SINHCAF: variants seen among roughly 807,000 people sequenced by gnomAD.
SINHCAF encodes SIN3-HDAC complex associated factor, also known as SIN3-HDAC complex-associated factor.
SINHCAF carries 3 observed loss-of-function variants against 25.8 expected under a neutral mutation model. That is an observed-to-expected ratio of 0.12 (90% CI 0.05 to 0.30). SINHCAF has a LOEUF of 0.30. Among genes scored for constraint, SINHCAF ranks in the 10% least tolerant of loss-of-function variants. SINHCAF has a pLI of 1.00. For synonymous variants in SINHCAF, 70 were observed against 85.5 expected (o/e 0.82, Z 1.00); for missense variants, 121 against 262.3 (o/e 0.46, Z 3.72).
At chr12:31,289,691 G>T (rs1008575172) in intron 4 of SINHCAF, among the ~76,000 whole-genome samples, 2 of 151,974 alleles carry the variant, frequency 1.3e-5, no homozygotes, top group African/African-American at 4.8e-5. Context: ...CACGTTGACA[G>T]AGCAATCCTT....
intron 5 of SINHCAF, 53 bp from the exon 6 acceptor site, chr12:31,282,924 T>C (rs1000272261): frequency 8.6e-6 from 12 of 1,389,114 alleles, no homozygotes; most frequent in Non-Finnish European, 1.1e-5. Context: ...AAAATAGGAA[T>C]ACAAAAGAAA....
chr12:31,317,615 T>A (rs1939543099), intron 1 of SINHCAF, among the ~76,000 whole-genome samples: 1 of 145,908 alleles, frequency 6.9e-6, no homozygotes. Flanking sequence ...ACCTCCTGCT[T>A]TTTTTTTTTT....
At chr12:31,316,083 T>C (rs1939484960) in intron 1 of SINHCAF, among the ~76,000 whole-genome samples, 2 of 152,020 alleles carry the variant, frequency 1.3e-5, no homozygotes, top group Non-Finnish European at 1.5e-5. Context: ...GGCAGCAGAA[T>C]TGCTTGAACC....
chr12:31,287,274 A>C (rs924863990), intron 5 of SINHCAF, among the ~76,000 whole-genome samples: 2 of 151,972 alleles, frequency 1.3e-5, no homozygotes, highest in Non-Finnish European at 2.9e-5. Flanking sequence ...CTCTTTCCTA[A>C]AATTGCTTAT....
rs1266093588 is a variant in SINHCAF at position 31,325,973 on chromosome 12, C to CAA, written c.-21+49_-21+50dup. 4.6e-5 allele frequency: 7 copies of CAA among 151,914 alleles called. No homozygotes were observed. Among genetic ancestry groups the CAA allele is most frequent in the Non-Finnish European group, 7.4e-5 (5 of 67,982 alleles). The allele number at this position is 151,914 out of a possible 1,614,324, so 9.4% of individuals were successfully genotyped here. A position where few individuals can be genotyped will look rare whatever the true frequency, so the allele number is the denominator to read the frequency against. On this transcript the variant is annotated intron_variant, in intron 1 of 5. Transcript: ENST00000337682. The surrounding 1 kb of genome is among the most constrained non-coding windows in gnomAD (Gnocchi z 5.9). ...AAGAGAAAAAAAAAAACACTGAAAT[C>CAA]AAAGCCTCGTGAGACAGTTTTGCAC...
rs1248890068 is a variant in SINHCAF, at chr12:31,324,835, G to C, written c.-21+1189C>G. On this transcript the variant is annotated intron_variant, in intron 1 of 5. Coordinates refer to ENST00000337682, the MANE Select transcript of SINHCAF (RefSeq NM_001135812.2). The surrounding 1 kb of genome is among the most constrained non-coding windows in gnomAD (Gnocchi z 5.5). The stretch of plus-strand genomic sequence containing the variant: ...AGGCCCATTTAATCAAAGTTTTGCA[G>C]TGTCCTTGATGAGAAACGCCCGGAG... 4 of 387,586 alleles carry C rather than the reference G, an allele frequency of 1.0e-5. No individual in the cohort carries two copies. Among genetic ancestry groups the C allele is most frequent in the African/African-American group, 6.3e-5 (3 of 47,844 alleles). The allele number at this position is 387,586 out of a possible 1,614,324, so 24.0% of individuals were successfully genotyped here.
chr12:31,316,062 C>A (rs1256318265), intron 1 of SINHCAF, among the ~76,000 whole-genome samples: 3 of 152,002 alleles, frequency 2.0e-5, no homozygotes, highest in African/African-American at 7.2e-5. Context: ...CTCAGCTACT[C>A]AGGAGGCTGA....
chr12:31,300,142 G>T (rs930336219), intron 1 of SINHCAF, among the ~76,000 whole-genome samples: 6 of 152,194 alleles, frequency 3.9e-5, no homozygotes, highest in Admixed American at 3.3e-4. Flanking sequence ...TAATGAAAAT[G>T]ATTCAGAACC....
At chr12:31,299,105 G>A (rs1283998374) in intron 1 of SINHCAF, among the ~76,000 whole-genome samples, 3 of 151,866 alleles carry the variant, frequency 2.0e-5, no homozygotes, top group African/African-American at 4.8e-5. Context: ...ATGCAAATAT[G>A]TAGCTGGCAG....
intron 4 of SINHCAF, among the ~76,000 whole-genome samples, chr12:31,288,494 T>C (rs1412707705): frequency 6.6e-6 from 1 of 152,124 alleles, no homozygotes; most frequent in Non-Finnish European, 1.5e-5. Context: ...TATGGCCCAC[T>C]AAGTACAAGG....
At chr12:31,284,916 C>G (rs1457402445) in intron 5 of SINHCAF, among the ~76,000 whole-genome samples, 1 of 152,130 alleles carries the variant, frequency 6.6e-6, no homozygotes, top group African/African-American at 2.4e-5. Context: ...TCTGAAGATG[C>G]CTATTTTGGG....
chr12:31,289,921 C>T (rs1442998959), intron 4 of SINHCAF, among the ~76,000 whole-genome samples: 1 of 150,950 alleles, frequency 6.6e-6, no homozygotes, highest in Non-Finnish European at 1.5e-5. Flanking sequence ...ACCTCCTGAG[C>T]TCAAGCAATC....
chr12:31,306,137 G>A (rs1431914977), intron 1 of SINHCAF, among the ~76,000 whole-genome samples: 1 of 152,162 alleles, frequency 6.6e-6, no homozygotes, highest in East Asian at 1.9e-4. Flanking sequence ...AGCAGGATGG[G>A]CAATTGCATT....
In SINHCAF at chr12:31,324,006, G is replaced by A. The variant is rs780262795; in HGVS notation, c.-21+2018C>T. On this transcript the variant is annotated intron_variant, in intron 1 of 5. Coordinates refer to ENST00000337682, the MANE Select transcript of SINHCAF (RefSeq NM_001135812.2). This position sits in a 1 kb window ranked among gnomAD's most constrained non-coding sequence, Gnocchi z 5.5. ...GACTGCCGAGAGAGACGCCGAGCCA[G>A]CAAGTAAGAATGCTCCCTGGTGGAT... 6.6e-5 allele frequency: 30 copies of A among 455,606 alleles called. 2 individuals are homozygous for A. The highest frequency in any genetic ancestry group is 6.4e-4 in the East Asian group (9 of 14,142). The allele number at this position is 455,606 out of a possible 1,614,324, so 28.2% of individuals were successfully genotyped here. A position where few individuals can be genotyped will look rare whatever the true frequency, so the allele number is the denominator to read the frequency against.
chr12:31,290,420 G>C (rs1938262950), intron 4 of SINHCAF, among the ~76,000 whole-genome samples: 1 of 151,774 alleles, frequency 6.6e-6, no homozygotes. Context: ...ACCCAGTCAA[G>C]AAAACGTTTT....
intron 1 of SINHCAF, among the ~76,000 whole-genome samples, chr12:31,310,870 CT>C (rs901142862): frequency 0.015 from 2,154 of 139,718 alleles, 22 homozygotes; most frequent in African/African-American, 0.035. Flanking sequence ...AATCTACGAT[CT>C]TTTTTTTTTT....
Position 31,311,026 on chromosome 12 carries a change from C to T in SINHCAF, c.-20-12802G>A, listed in dbSNP as rs921218792. ...CTAAGATTACAGGTGTGTGCCACCA[C>T]GACTGGCTGATTTTTGTATTTTTAG... On this transcript the variant is annotated intron_variant, in intron 1 of 5. Transcript: ENST00000337682. 6.6e-5 allele frequency among the ~76,000 whole-genome samples: 10 copies of T among 152,008 alleles called. 1 individual carries two copies. Among genetic ancestry groups the T allele is most frequent in the African/African-American group, 1.9e-4 (8 of 41,356 alleles).
chr12:31,314,554 GA>G (rs1283535760), intron 1 of SINHCAF, among the ~76,000 whole-genome samples: 3 of 151,782 alleles, frequency 2.0e-5, no homozygotes, highest in Non-Finnish European at 4.4e-5. Flanking sequence ...AAGATAGAGT[GA>G]AGGTGTAGGT....
At chr12:31,306,868 T>G (rs1045236734) in intron 1 of SINHCAF, among the ~76,000 whole-genome samples, 3 of 152,206 alleles carry the variant, frequency 2.0e-5, no homozygotes, top group Non-Finnish European at 4.4e-5. Flanking sequence ...TTAACAAGTT[T>G]GAGTCAGGGC....
Sources: allele counts gnomAD v4.1 joint callset (sites outside exome capture counted in the v4.1 genomes callset), GRCh38; gene constraint gnomAD v4.1.1; non-coding constraint Gnocchi (gnomAD v3.1); transcripts MANE v1.5; gene names NCBI Gene and HGNC (gene_info 2026-07-23, HGNC 2026-07-21).